The following R3HDM1 variants were observed in gnomAD, a reference collection of about 807,000 sequenced individuals.
R3HDM1 encodes the protein R3H domain containing 1.
In R3HDM1, 46 loss-of-function variants were observed where a neutral mutation model predicts 141.1. The ratio of observed to expected loss-of-function variants is 0.33; its 90% CI spans 0.26 to 0.42. The LOEUF (loss-of-function observed/expected upper bound fraction) is 0.42, where lower values mean the gene tolerates loss of function less well. R3HDM1 is among the 10% of genes least tolerant of loss of function. The pLI, the probability that R3HDM1 is intolerant of heterozygous loss-of-function variation, is 1.00. For synonymous variants in R3HDM1, 435 were observed against 472.9 expected (o/e 0.92, Z 1.04); for missense variants, 1,184 against 1,368.3 (o/e 0.87, Z 2.12).
chr2:135,557,700 A>G (rs1215173527), intron 1 of R3HDM1, among the ~76,000 whole-genome samples: 1 of 152,218 alleles, frequency 6.6e-6, no homozygotes, highest in Non-Finnish European at 1.5e-5. Flanking sequence ...CACATGTTCA[A>G]CATTGAACTG....
chr2:135,573,936 A>G (rs1175403988), intron 1 of R3HDM1, among the ~76,000 whole-genome samples: 1 of 152,204 alleles, frequency 6.6e-6, no homozygotes, highest in Non-Finnish European at 1.5e-5. Flanking sequence ...AATGAACATA[A>G]ATGAATTAAA....
intron 3 of R3HDM1, among the ~76,000 whole-genome samples, chr2:135,610,726 A>G (rs2060461574): frequency 6.6e-6 from 1 of 152,250 alleles, no homozygotes; most frequent in African/African-American, 2.4e-5. Context: ...TTAAGAAATG[A>G]AGTATTTTTT....
chr2:135,626,209 G>GCTTGCTTGCTTGCTTGCT lies in R3HDM1; in HGVS notation c.497+3477_497+3478insCTTGCTTGCTTGCTTGCT, dbSNP rs1553576640. Reference sequence around the variant, plus strand: ...CGTGCGTGCGTGCGTGCGTGCGTGCGTGCTTGCTTGCTTGCTTGCTTGCTT... The same window carrying GCTTGCTTGCTTGCTTGCT: ...CGTGCGTGCGTGCGTGCGTGCGTGCGCTTGCTTGCTTGCTTGCTTGCTTGCTTGCTTGCTTGCTTGCTT... On this transcript the variant is annotated intron_variant, in intron 7 of 26. Transcript: ENST00000683871. Among the ~76,000 whole-genome samples, 208 of 143,424 alleles carry GCTTGCTTGCTTGCTTGCT rather than the reference G, an allele frequency of 1.5e-3. 3 individuals are homozygous for GCTTGCTTGCTTGCTTGCT. The highest frequency in any genetic ancestry group is 5.9e-3 in the African/African-American group (203 of 34,182). 94.1% of individuals were successfully genotyped at this position (143,424 alleles called of 152,430 possible).
intron 21 of R3HDM1, among the ~76,000 whole-genome samples, chr2:135,686,696 G>A (rs781451974): frequency 5.1e-4 from 77 of 152,224 alleles, no homozygotes; most frequent in Non-Finnish European, 5.3e-4. Context: ...CCATGATTAC[G>A]CCACTGTATT....
At chr2:135,713,671 G>T (rs2105448334) in intron 23 of R3HDM1, among the ~76,000 whole-genome samples, 1 of 152,266 alleles carries the variant, frequency 6.6e-6, no homozygotes, top group South Asian at 2.1e-4. Context: ...TATTGAAATG[G>T]TAGTTTGTAA....
rs1285423659 is a variant in R3HDM1 at position 135,641,683 on chromosome 2, A to C, written c.1367A>C (p.Asp456Ala). 2 of 1,613,878 alleles carry C rather than the reference A, an allele frequency of 1.2e-6. No individual in the cohort carries two copies. The highest frequency in any genetic ancestry group is 1.7e-6 in the Non-Finnish European group (2 of 1,180,008). The change falls in exon 15 of 27, where the codon GAT (aspartate) becomes GCT (alanine). Residue 456 changes from aspartate (D) to alanine (A), a missense_variant. Asp to Ala is a moderately radical substitution (Grantham distance 126). Coordinates refer to ENST00000683871, the MANE Select transcript of R3HDM1 (RefSeq NM_001378107.1). ...TVSTHSSLSFDGGLNGQVASP... is the reference protein window; with the variant it reads ...TVSTHSSLSFAGGLNGQVASP... Reference sequence around the variant, plus strand: ...AGCACTCATAGTTCTCTTTCCTTTGATGGTGGCCTAAATGGGCAAGTCGCA... The same window carrying C: ...AGCACTCATAGTTCTCTTTCCTTTGCTGGTGGCCTAAATGGGCAAGTCGCA...
At chr2:135,650,551 C>G in intron 17 of R3HDM1, 4 of 983,000 alleles carry the variant, frequency 4.1e-6, no homozygotes, top group Non-Finnish European at 4.8e-6. Flanking sequence ...TGACTTTTTT[C>G]CAAGGTGACT....
chr2:135,690,821 G>T (rs940400629), intron 21 of R3HDM1, among the ~76,000 whole-genome samples: 9 of 152,080 alleles, frequency 5.9e-5, no homozygotes, highest in African/African-American at 1.4e-4. Flanking sequence ...AATGTTAAAG[G>T]AGAAGGGAAG....
At chr2:135,656,827 C>T (rs575627388) in intron 18 of R3HDM1, among the ~76,000 whole-genome samples, 2 of 152,302 alleles carry the variant, frequency 1.3e-5, no homozygotes, top group South Asian at 4.1e-4. Context: ...GGCACAGTGG[C>T]TCACGCCTGT....
intron 21 of R3HDM1, among the ~76,000 whole-genome samples, chr2:135,683,953 A>AATACATACATACATACATACATAC (rs3074523): frequency 1.4e-5 from 2 of 147,874 alleles, no homozygotes; most frequent in Admixed American, 6.9e-5. Flanking sequence ...CTGTCTCATA[A>AATACATACATACATACATACATAC]ATACATACAT....
chr2:135,625,681 A>C (rs562012233), intron 7 of R3HDM1, among the ~76,000 whole-genome samples: 1 of 152,118 alleles, frequency 6.6e-6, no homozygotes, highest in African/African-American at 2.4e-5. Context: ...TTGGGACTTC[A>C]GCCCCTGCTC....
Position 135,710,224 on chromosome 2 carries a change from T to G in R3HDM1, c.2729T>G (p.Ile910Ser), listed in dbSNP as rs762121182. 3 of 1,613,284 alleles carry G rather than the reference T, an allele frequency of 1.9e-6. No individual in the cohort carries two copies. The highest frequency in any genetic ancestry group is 2.5e-6 in the Non-Finnish European group (3 of 1,179,484). Residue 910 changes from isoleucine to serine, a missense_variant, in exon 23 of 27, where the codon ATT (isoleucine) becomes AGT (serine). By Grantham distance (142) the Ile-to-Ser change is moderately radical. Transcript: ENST00000683871. ...KCVEFSSVDN[I>S]VQHSPQLSSP... ...GTAGAATTTAGCAGTGTAGACAATA[T>G]TGTCCAGGTAAGATGGTTTTGTTCA... is the stretch of plus-strand genomic sequence containing the variant.
rs1710306887 is a variant in R3HDM1 at position 135,595,031 on chromosome 2, T to TC, written c.-249-7468dup. The stretch of plus-strand genomic sequence containing the variant: ...GGGCAACTTCATTAACATTGATAAC[T>TC]CAAAACTTCAATCTATATAGTGATT... On this transcript the variant is annotated intron_variant, in intron 1 of 26. Coordinates refer to ENST00000683871, the MANE Select transcript of R3HDM1 (RefSeq NM_001378107.1). Among the ~76,000 whole-genome samples the TC allele has an allele frequency of 6.7e-5, 10 of 149,358 alleles. No individual in the cohort carries two copies. In the South Asian group the frequency reaches 2.3e-3, roughly 34 times the overall value.
intron 1 of R3HDM1, among the ~76,000 whole-genome samples, chr2:135,549,162 C>T (rs186601463): frequency 2.6e-5 from 4 of 152,206 alleles, no homozygotes; most frequent in African/African-American, 9.6e-5. Context: ...ATGTATCTTT[C>T]CTAGAATGCA....
At chr2:135,698,120 T>A (rs1304096381) in intron 21 of R3HDM1, among the ~76,000 whole-genome samples, 1 of 147,768 alleles carries the variant, frequency 6.8e-6, no homozygotes, top group Non-Finnish European at 1.5e-5. Context: ...ATGTTAGAGG[T>A]GCATGAGACG....
chr2:135,534,560 G>A (rs1214904224), intron 1 of R3HDM1, among the ~76,000 whole-genome samples: 1 of 152,228 alleles, frequency 6.6e-6, no homozygotes. Flanking sequence ...ACAAATTTAA[G>A]GTTAGCATGA....
intron 1 of R3HDM1, among the ~76,000 whole-genome samples, chr2:135,560,189 A>G (rs1436137087): frequency 2.6e-5 from 4 of 152,222 alleles, no homozygotes; most frequent in African/African-American, 9.6e-5. Flanking sequence ...AGGATTTATT[A>G]GTAACATTGT....
At chr2:135,602,807 C>T (rs2059723394) in intron 2 of R3HDM1, 99 bp downstream of exon 2, 1 of 1,001,942 alleles carries the variant, frequency 1.0e-6, no homozygotes, top group Non-Finnish European at 1.4e-6. Flanking sequence ...ACCACCCTCT[C>T]CCTACTTTGC....
At chr2:135,678,789 C>G (rs1204261988) in intron 20 of R3HDM1, among the ~76,000 whole-genome samples, 1 of 118,710 alleles carries the variant, frequency 8.4e-6, no homozygotes, top group Non-Finnish European at 1.6e-5. Context: ...GAGACAGAGT[C>G]TCACTCTGTC....
Sources: allele counts gnomAD v4.1 joint callset (sites outside exome capture counted in the v4.1 genomes callset), GRCh38; gene constraint gnomAD v4.1.1; transcripts MANE v1.5; gene names NCBI Gene and HGNC (gene_info 2026-07-23, HGNC 2026-07-21).